The following DENND4C variants were observed in gnomAD, a reference collection of about 807,000 sequenced individuals.
The protein encoded by DENND4C is DENN domain containing 4C.
In DENND4C, 108 loss-of-function variants were observed where a neutral mutation model predicts 203.0. That is an observed-to-expected ratio of 0.53 (90% confidence interval 0.46 to 0.62). DENND4C has a LOEUF of 0.62. DENND4C is among the 20% of genes least tolerant of loss of function. The probability of loss-of-function intolerance (pLI) is 0.00; values close to 1 mark genes in which losing one functional copy is unlikely to be tolerated. For synonymous variants in DENND4C, 871 were observed against 792.4 expected (o/e 1.10, Z -1.67); for missense variants, 2,481 against 2,301.2 (o/e 1.08, Z -1.60).
rs1428440687 is a variant in DENND4C at position 19,296,165 on chromosome 9, C to CT, written c.966dup (p.Glu323Ter). The CT allele has an allele frequency of 2.5e-6, 4 of 1,613,656 alleles. No homozygotes were observed. The highest frequency in any genetic ancestry group is 1.1e-5 in the South Asian group (1 of 91,048). On this transcript the variant is annotated frameshift_variant, in exon 6 of 33. Coordinates refer to ENST00000434457, the MANE Select transcript of DENND4C (RefSeq NM_001330640.2). LOFTEE classifies it high-confidence loss of function. ...TGCATTTGTTTACTCTCACACTGGC[C>CT]TTTTTTTGAAGCTTTTAGGAAATTT...
chr9:19,270,158 G>A (rs531186091), intron 1 of DENND4C, among the ~76,000 whole-genome samples: 2 of 152,260 alleles, frequency 1.3e-5, no homozygotes, highest in South Asian at 2.1e-4. Flanking sequence ...GTTGAGGGGA[G>A]GAGTGACACA....
intron 8 of DENND4C, 61 bp from the exon 9 acceptor site, chr9:19,300,126 A>G: frequency 1.4e-6 from 2 of 1,477,264 alleles, no homozygotes; most frequent in African/African-American, 1.4e-5. Flanking sequence ...TAATAAGCAA[A>G]TCTTAACATA....
chr9:19,292,769 C>A (rs1564126242), intron 5 of DENND4C, among the ~76,000 whole-genome samples: 1 of 152,098 alleles, frequency 6.6e-6, no homozygotes, highest in African/African-American at 2.4e-5. Flanking sequence ...TGGTCTCGAA[C>A]TCCTGACCTC....
chr9:19,268,182 C>T (rs933140266), intron 1 of DENND4C, among the ~76,000 whole-genome samples: 3 of 151,830 alleles, frequency 2.0e-5, no homozygotes, highest in African/African-American at 7.3e-5. Flanking sequence ...TCACTGTAGC[C>T]TCGACCTCTC....
At chr9:19,289,392 T>G (rs1835824421) in intron 4 of DENND4C, among the ~76,000 whole-genome samples, 1 of 152,238 alleles carries the variant, frequency 6.6e-6, no homozygotes. Flanking sequence ...AAATAAAGTT[T>G]TACTTCAGGG....
intron 26 of DENND4C, among the ~76,000 whole-genome samples, chr9:19,356,591 C>T (rs929506935): frequency 6.6e-6 from 1 of 151,854 alleles, no homozygotes; most frequent in Admixed American, 6.6e-5. Context: ...TCTTAAAGTG[C>T]TGCTACTGCA....
At chr9:19,240,407 C>T (rs527958357) in intron 1 of DENND4C, among the ~76,000 whole-genome samples, 1 of 152,148 alleles carries the variant, frequency 6.6e-6, no homozygotes, top group African/African-American at 2.4e-5. Context: ...GTGGCTCACA[C>T]TTGTAATCCC....
intron 9 of DENND4C, among the ~76,000 whole-genome samples, chr9:19,303,774 C>T (rs1012888941): frequency 6.6e-6 from 1 of 151,950 alleles, no homozygotes. Context: ...TTGAACTAGA[C>T]CTTAAAAGAT....
rs144141817 is a variant in DENND4C at position 19,369,869 on chromosome 9, G to A, written c.5557G>A (p.Glu1853Lys). ...AAAGAAATCATCTCTCCTGTCAGAG[G>A]AACAACAAGAAACAAGCACTTTAGT... Reference protein sequence around the residue: ...SEKKSSLLSEEQQETSTLVET... With the variant: ...SEKKSSLLSEKQQETSTLVET... The change falls in exon 31 of 33, where the codon GAA (glutamate) becomes AAA (lysine). Residue 1853 changes from glutamate to lysine, a missense_variant. This residue lies in a region of DENND4C where 2,289 missense variants were observed against 2,113.3 expected (regional missense o/e 1.08). Transcript: ENST00000434457. 43 of 1,609,938 alleles carry A rather than the reference G, an allele frequency of 2.7e-5. No homozygotes were observed. The Admixed American group carries it at 3.5e-4, about 13-fold the overall frequency.
At chr9:19,335,527 C>A (rs910435415) in intron 18 of DENND4C, among the ~76,000 whole-genome samples, 1 of 152,118 alleles carries the variant, frequency 6.6e-6, no homozygotes, top group African/African-American at 2.4e-5. Flanking sequence ...CCTCCCAAAG[C>A]CCCTGGTAAC....
At chr9:19,327,935 C>T in intron 15 of DENND4C, 95 bp from the exon 16 acceptor site, 1 of 1,164,948 alleles carries the variant, frequency 8.6e-7, no homozygotes, top group East Asian at 2.5e-5. Flanking sequence ...ATGTTGGATA[C>T]TATTTGAAGT....
chr9:19,345,784 T>G, intron 22 of DENND4C, 137 bp from the exon 23 acceptor site: 1 of 823,462 alleles, frequency 1.2e-6, no homozygotes, highest in Non-Finnish European at 1.8e-6. Flanking sequence ...TTTTTATACT[T>G]TCTTTATGGC....
intron 2 of DENND4C, among the ~76,000 whole-genome samples, chr9:19,283,569 A>G (rs1345813229): frequency 1.3e-5 from 2 of 150,380 alleles, no homozygotes; most frequent in Non-Finnish European, 3.0e-5. Flanking sequence ...TAAACAGGGC[A>G]GTATGTTATC....
chr9:19,271,825 C>T (rs1190728497), intron 1 of DENND4C, among the ~76,000 whole-genome samples: 3 of 149,260 alleles, frequency 2.0e-5, no homozygotes, highest in Non-Finnish European at 3.0e-5. Flanking sequence ...GTTGAGATCG[C>T]GCCATTGCAC....
intron 1 of DENND4C, among the ~76,000 whole-genome samples, chr9:19,240,825 G>C (rs1203509224): frequency 6.6e-6 from 1 of 151,910 alleles, no homozygotes; most frequent in African/African-American, 2.4e-5. Flanking sequence ...AAATTAGCCT[G>C]GTATGGTGGT....
chr9:19,239,735 C>A (rs1408662831), intron 1 of DENND4C, among the ~76,000 whole-genome samples: 1 of 152,162 alleles, frequency 6.6e-6, no homozygotes, highest in Non-Finnish European at 1.5e-5. Context: ...GTACGCCTGC[C>A]TTGGCCTCCC....
intron 1 of DENND4C, among the ~76,000 whole-genome samples, chr9:19,246,810 A>G (rs990975563): frequency 6.6e-6 from 1 of 152,134 alleles, no homozygotes; most frequent in African/African-American, 2.4e-5. Flanking sequence ...TTCTTAGCAT[A>G]TGAACATGCT....
rs145342681 is a variant in DENND4C, at chr9:19,259,413, A to G, written c.-17-16745A>G. ...ACTTAATATAATGACCTCCAGTTCTATCTATGTTGTTCTAAATGACACAAT... is the reference window on the plus strand; with the variant it reads ...ACTTAATATAATGACCTCCAGTTCTGTCTATGTTGTTCTAAATGACACAAT... On this transcript the variant is annotated intron_variant, in intron 1 of 32. Coordinates refer to ENST00000434457, the MANE Select transcript of DENND4C (RefSeq NM_001330640.2). 5.2e-3 allele frequency among the ~76,000 whole-genome samples: 784 copies of G among 151,874 alleles called. 7 individuals carry two copies. Among genetic ancestry groups the G allele is most frequent in the African/African-American group, 0.018 (740 of 41,406 alleles).
intron 1 of DENND4C, among the ~76,000 whole-genome samples, chr9:19,252,012 G>A (rs1826730866): frequency 1.3e-5 from 2 of 152,088 alleles, no homozygotes; most frequent in South Asian, 2.1e-4. Flanking sequence ...CTTTTCAGCA[G>A]TGCCCCACTC....
Sources: allele counts gnomAD v4.1 joint callset (sites outside exome capture counted in the v4.1 genomes callset), GRCh38; gene constraint gnomAD v4.1.1; regional missense constraint gnomAD v4.1.1; transcripts MANE v1.5; gene names NCBI Gene and HGNC (gene_info 2026-07-23, HGNC 2026-07-21).